NELL2: variants seen among roughly 807,000 people sequenced by gnomAD.
The protein encoded by NELL2 is protein kinase C-binding protein NELL2.
NELL2 carries 41 observed loss-of-function variants against 109.6 expected under a neutral mutation model. That is an observed-to-expected ratio of 0.37 (90% CI 0.29 to 0.49). The LOEUF is 0.49. Among genes scored for constraint, NELL2 ranks in the 20% least tolerant of loss-of-function variants. The probability of loss-of-function intolerance (pLI) is 0.98; values close to 1 mark genes in which losing one functional copy is unlikely to be tolerated. For missense variants in NELL2, 900 were observed against 1,008.3 expected, an observed-to-expected ratio of 0.89 and a Z score of 1.45; for synonymous variants, 355 against 344.7, an observed-to-expected ratio of 1.03 and a Z score of -0.33.
chr12:44,872,944 C>T (rs1339288709), intron 2 of NELL2, among the ~76,000 whole-genome samples: 4 of 152,174 alleles, frequency 2.6e-5, no homozygotes, highest in African/African-American at 4.8e-5. Context: ...CAGCAAGACT[C>T]GGAACTGACT....
upstream of NELL2, among the ~76,000 whole-genome samples, chr12:44,880,150 GA>G (rs1945395560): frequency 6.6e-6 from 1 of 150,764 alleles, no homozygotes; most frequent in Non-Finnish European, 1.5e-5. Flanking sequence ...CAGAGAGAGA[GA>G]GAGAGAAAAA....
At chr12:44,844,059 A>G (rs1240769468) in intron 2 of NELL2, among the ~76,000 whole-genome samples, 1 of 152,182 alleles carries the variant, frequency 6.6e-6, no homozygotes, top group Non-Finnish European at 1.5e-5. Context: ...TTGTTGCTGC[A>G]GCCTCTGGAG....
chr12:44,803,597 T>C (rs548429359), intron 3 of NELL2, among the ~76,000 whole-genome samples: 45 of 152,144 alleles, frequency 3.0e-4, no homozygotes, highest in African/African-American at 9.9e-4. Context: ...GGTTTGCAGC[T>C]ATTTCAATTT....
At position 44,523,546 on chromosome 12, in the gene NELL2, A is replaced by G; in HGVS notation, c.1805-62T>C. On this transcript the variant is annotated intron_variant, in intron 16 of 19. Coordinates refer to ENST00000429094, the MANE Select transcript of NELL2 (RefSeq NM_001145108.2). ...AATATGTGCAGTTTCAAACAACTGC[A>G]ATCAGGCCAGTTGTCTCCTGACATA... 1.2e-5 allele frequency: 18 copies of G among 1,440,648 alleles called. No homozygotes were observed. The South Asian group carries it at 2.1e-4, about 17-fold the overall frequency. 89.2% of individuals were successfully genotyped at this position (1,440,648 alleles called of 1,614,324 possible).
intron 2 of NELL2, among the ~76,000 whole-genome samples, chr12:44,848,171 G>A (rs893601273): frequency 1.3e-5 from 2 of 152,118 alleles, no homozygotes; most frequent in African/African-American, 4.8e-5. Context: ...CAGTGTTAAG[G>A]CTAAGGAGAG....
chr12:44,577,242 CTGGTGTGAGA>C (rs1341954339), intron 15 of NELL2, among the ~76,000 whole-genome samples: 1 of 103,220 alleles, frequency 9.7e-6, no homozygotes, highest in Non-Finnish European at 1.9e-5. Context: ...GCCATTCTAA[CTGGTGTGAGA>C]TGGTATCTCA....
chr12:44,823,386 T>G (rs555975113), intron 2 of NELL2, among the ~76,000 whole-genome samples: 2 of 152,310 alleles, frequency 1.3e-5, no homozygotes, highest in African/African-American at 4.8e-5. Flanking sequence ...TTCACTAATA[T>G]CTCCCATTTT....
At chr12:44,834,988 C>T (rs187349037) in intron 2 of NELL2, among the ~76,000 whole-genome samples, 49 of 152,218 alleles carry the variant, frequency 3.2e-4, no homozygotes, top group African/African-American at 1.1e-3. Context: ...GGCTGGGACA[C>T]AAGGTTGCTG....
chr12:44,795,559 G>T (rs1388430710), intron 3 of NELL2, among the ~76,000 whole-genome samples: 1 of 152,076 alleles, frequency 6.6e-6, no homozygotes, highest in Non-Finnish European at 1.5e-5. Context: ...CATTTATAAG[G>T]TCCAGATTCT....
At chr12:44,789,042 C>T (rs184011096) in intron 3 of NELL2, among the ~76,000 whole-genome samples, 102 of 152,200 alleles carry the variant, frequency 6.7e-4, no homozygotes, top group African/African-American at 2.2e-3. Flanking sequence ...GCCCTGCCCC[C>T]ACCTGATGGT....
chr12:44,682,151 C>A (rs1948533110), intron 12 of NELL2, among the ~76,000 whole-genome samples: 1 of 149,894 alleles, frequency 6.7e-6, no homozygotes, highest in Admixed American at 6.6e-5. Flanking sequence ...TTTTGATTTG[C>A]ATTTCTCTGA....
At chr12:44,704,759 C>T (rs113157482) in intron 11 of NELL2, among the ~76,000 whole-genome samples, 9,443 of 152,156 alleles carry the variant, frequency 0.062, 970 homozygotes, top group African/African-American at 0.21. Flanking sequence ...TGGCTCACAC[C>T]TGTAATCCCA....
intron 15 of NELL2, among the ~76,000 whole-genome samples, chr12:44,603,448 A>G (rs1004847730): frequency 3.3e-4 from 50 of 152,176 alleles, no homozygotes; most frequent in Admixed American, 3.3e-3. Context: ...CATCAGACAC[A>G]TATTTGCTGA....
intron 9 of NELL2, among the ~76,000 whole-genome samples, chr12:44,724,777 A>G (rs59102343): frequency 0.072 from 10,931 of 150,958 alleles, 1,317 homozygotes; most frequent in African/African-American, 0.25. Flanking sequence ...ATTCATATGG[A>G]ACCAAAAAAG....
chr12:44,882,200 G>A (rs898297761), intron 1 of NELL2, among the ~76,000 whole-genome samples: 2 of 151,708 alleles, frequency 1.3e-5, no homozygotes, highest in Non-Finnish European at 2.9e-5. Flanking sequence ...AGTAGAAGTG[G>A]CAAATATCTG....
chr12:44,782,589 A>T, intron 3 of NELL2, among the ~76,000 whole-genome samples: 1 of 151,932 alleles, frequency 6.6e-6, no homozygotes, highest in Non-Finnish European at 1.5e-5. Flanking sequence ...AGGAAAGCAG[A>T]AATGGCTATA....
intron 15 of NELL2, among the ~76,000 whole-genome samples, chr12:44,545,668 T>C (rs531494450): frequency 4.2e-4 from 64 of 152,232 alleles, no homozygotes; most frequent in African/African-American, 1.5e-3. Context: ...CCAGCTTTAC[T>C]CCTACACATG....
At chr12:44,696,915 T>A (rs1330722645) in intron 12 of NELL2, among the ~76,000 whole-genome samples, 1 of 152,198 alleles carries the variant, frequency 6.6e-6, no homozygotes, top group Non-Finnish European at 1.5e-5. Context: ...ATATATTGAA[T>A]TCTGAATGAA....
intron 2 of NELL2, among the ~76,000 whole-genome samples, chr12:44,839,274 T>G (rs967570180): frequency 6.6e-6 from 1 of 152,206 alleles, no homozygotes. Context: ...TAAGGCATTA[T>G]AGTCATTATC....
Sources: allele counts gnomAD v4.1 joint callset (sites outside exome capture counted in the v4.1 genomes callset), GRCh38; gene constraint gnomAD v4.1.1; transcripts MANE v1.5; gene names NCBI Gene and HGNC (gene_info 2026-07-23, HGNC 2026-07-21).